MYZAP: variants seen among roughly 807,000 people sequenced by gnomAD.
MYZAP encodes the protein myocardial zonula adherens protein.
Under a neutral mutation model 69.4 loss-of-function variants are expected in MYZAP, and 66 were observed. That is an observed-to-expected ratio of 0.95 (90% confidence interval 0.78 to 1.17). MYZAP has a LOEUF of 1.17. Ranked by LOEUF, MYZAP falls within the 50% of genes most tolerant of loss-of-function variation. The pLI is 0.00. For synonymous variants in MYZAP, 256 were observed against 205.9 expected (o/e 1.24, Z -2.09); for missense variants, 611 against 556.2 (o/e 1.10, Z -0.99).
intron 1 of MYZAP, among the ~76,000 whole-genome samples, chr15:57,593,547 T>C (rs1214350255): frequency 6.6e-6 from 1 of 152,126 alleles, no homozygotes; most frequent in Non-Finnish European, 1.5e-5. Flanking sequence ...TACGGTGGGT[T>C]GATACAAATG....
intron 10 of MYZAP, among the ~76,000 whole-genome samples, chr15:57,654,349 T>A (rs963965754): frequency 3.3e-5 from 5 of 152,050 alleles, no homozygotes; most frequent in Non-Finnish European, 7.4e-5. Flanking sequence ...CCTCCTATTA[T>A]CAGTAAGAGG....
At chr15:57,675,903 G>A (rs543654400) in intron 12 of MYZAP, among the ~76,000 whole-genome samples, 45 of 152,302 alleles carry the variant, frequency 3.0e-4, no homozygotes, top group African/African-American at 1.1e-3. Flanking sequence ...GGTATCGTGT[G>A]TGCAGGAGGG....
At chr15:57,614,834 G>C (rs1260003709) in intron 2 of MYZAP, among the ~76,000 whole-genome samples, 19 of 152,182 alleles carry the variant, frequency 1.2e-4, no homozygotes, top group Admixed American at 1.2e-3. Context: ...TGTTACCCTG[G>C]AAGAAGAGAA....
chr15:57,643,787 C>G (rs2037297455), intron 10 of MYZAP, among the ~76,000 whole-genome samples: 1 of 150,000 alleles, frequency 6.7e-6, no homozygotes, highest in Non-Finnish European at 1.5e-5. Context: ...ATTAGGCATC[C>G]TTTCATTTTG....
chr15:57,642,589 C>T (rs150090387), intron 10 of MYZAP, among the ~76,000 whole-genome samples: 264 of 152,218 alleles, frequency 1.7e-3, no homozygotes, highest in African/African-American at 6.0e-3. Flanking sequence ...ATGGAAGTCT[C>T]GTCTCCATCC....
At chr15:57,593,560 A>G (rs1319610984) in intron 1 of MYZAP, among the ~76,000 whole-genome samples, 4 of 152,172 alleles carry the variant, frequency 2.6e-5, no homozygotes, top group African/African-American at 7.2e-5. Context: ...TACAAATGTG[A>G]CTAGTATACA....
At chr15:57,659,251 A>G (rs2038159062) in intron 10 of MYZAP, among the ~76,000 whole-genome samples, 1 of 151,738 alleles carries the variant, frequency 6.6e-6, no homozygotes, top group Admixed American at 6.6e-5. Flanking sequence ...CATCTAGTTT[A>G]TTTTTTTGTC....
chr15:57,625,979 C>A, intron 5 of MYZAP, 87 bp downstream of exon 5: 1 of 1,140,140 alleles, frequency 8.8e-7, no homozygotes, highest in African/African-American at 1.5e-5. Context: ...AGTCACAGAA[C>A]ATCCTTAGCT....
chr15:57,684,730 G>A lies in MYZAP; in HGVS notation c.*232G>A, dbSNP rs1239158224. The A allele has an allele frequency of 3.5e-5, 13 of 373,444 alleles. No individual in the cohort carries two copies. The highest frequency in any genetic ancestry group is 2.8e-4 in the East Asian group (6 of 21,358). The allele number at this position is 373,444 out of a possible 1,614,324, so 23.1% of individuals were successfully genotyped here. On this transcript the variant is annotated 3_prime_UTR_variant, in exon 13 of 13. Transcript: ENST00000267853. ...AGACACCCACTCGGCATACCCTGCC[G>A]TACTGCATCATCATTTGTTTTCTTT...
In MYZAP at chr15:57,592,092, G is replaced by A. The variant is rs1338723247; in HGVS notation, c.58G>A (p.Gly20Arg). Residue 20 changes from glycine (G) to arginine (R), a missense_variant, in exon 1 of 13, where the codon GGG (glycine) becomes AGG (arginine). By Grantham distance (125) the Gly-to-Arg change is moderately radical. Transcript: ENST00000267853. ...CTCGGGCGGCGCCGCCAGGACGCCC[G>A]GGGCGCCCAGCAGGAGGGTGAGTAG... The part of the protein sequence containing the change: ...LLSGGAARTP[G>R]APSRRANVCR... The A allele has an allele frequency of 1.5e-6, 2 of 1,370,532 alleles. No homozygotes were observed. Among genetic ancestry groups the A allele is most frequent in the Non-Finnish European group, 9.4e-7 (1 of 1,066,624 alleles). The allele number at this position is 1,370,532 out of a possible 1,614,324, so 84.9% of individuals were successfully genotyped here.
intron 8 of MYZAP, among the ~76,000 whole-genome samples, chr15:57,635,728 G>T (rs2042697): frequency 6.8e-4 from 104 of 152,210 alleles, no homozygotes; most frequent in Non-Finnish European, 1.0e-3. Context: ...TGGCCAAATC[G>T]CTGTCTCACA....
intron 10 of MYZAP, among the ~76,000 whole-genome samples, chr15:57,652,267 C>G (rs73424731): frequency 0.041 from 6,245 of 152,106 alleles, 168 homozygotes; most frequent in African/African-American, 0.066. Flanking sequence ...TCCTTTACTC[C>G]CCCCCAAATG....
At chr15:57,651,386 C>T (rs2037719119) in intron 10 of MYZAP, among the ~76,000 whole-genome samples, 1 of 152,172 alleles carries the variant, frequency 6.6e-6, no homozygotes, top group Non-Finnish European at 1.5e-5. Flanking sequence ...CCATCTGCCT[C>T]CTCTTGAATC....
chr15:57,676,995 G>A (rs1371482145), intron 12 of MYZAP, among the ~76,000 whole-genome samples: 2 of 152,174 alleles, frequency 1.3e-5, no homozygotes, highest in African/African-American at 4.8e-5. Context: ...CCGTGTTTCC[G>A]AAAAGGCAGA....
At chr15:57,604,473 GAAGGCCCTCT>G (rs1285665769) in intron 2 of MYZAP, 118 bp downstream of exon 2, 1 of 1,076,010 alleles carries the variant, frequency 9.3e-7, no homozygotes, top group African/African-American at 1.6e-5. Context: ...CTGTTGAGGA[GAAGGCCCTCT>G]CAACCTTCCC....
chr15:57,648,068 A>C lies in MYZAP; in HGVS notation c.1119+8523A>C, dbSNP rs549571045. On this transcript the variant is annotated intron_variant, in intron 10 of 12. Coordinates refer to ENST00000267853, the MANE Select transcript of MYZAP (RefSeq NM_001018100.5). ...TTTGAGGCAGGAGTGATTTATTGTG[A>C]ATGACAATGTTATAGTTTCTAATTC... 3.6e-5 allele frequency: 35 copies of C among 983,418 alleles called. No homozygotes were observed. In the African/African-American group the frequency reaches 5.9e-4, roughly 17 times the overall value. The allele number at this position is 983,418 out of a possible 1,614,324, so 60.9% of individuals were successfully genotyped here. A position where few individuals can be genotyped will look rare whatever the true frequency, so the allele number is the denominator to read the frequency against.
intron 10 of MYZAP, 58 bp from the exon 11 acceptor site, chr15:57,661,392 C>T (rs993240259): frequency 1.5e-6 from 2 of 1,295,122 alleles, no homozygotes; most frequent in South Asian, 2.6e-5. Flanking sequence ...AGTTGATAAA[C>T]CTGTACTTAC....
At chr15:57,627,706 T>C (rs1463392591) in intron 5 of MYZAP, among the ~76,000 whole-genome samples, 4 of 152,026 alleles carry the variant, frequency 2.6e-5, no homozygotes, top group Non-Finnish European at 5.9e-5. Flanking sequence ...GTTTTATGAA[T>C]AGACAAACTG....
chr15:57,605,882 C>G (rs1167535341), intron 2 of MYZAP, among the ~76,000 whole-genome samples: 1 of 151,974 alleles, frequency 6.6e-6, no homozygotes, highest in African/African-American at 2.4e-5. Flanking sequence ...ATGGGAACAG[C>G]TGGAGCATCA....
Sources: allele counts gnomAD v4.1 joint callset (sites outside exome capture counted in the v4.1 genomes callset), GRCh38; gene constraint gnomAD v4.1.1; transcripts MANE v1.5; gene names NCBI Gene and HGNC (gene_info 2026-07-23, HGNC 2026-07-21).